Variants in HGSNAT observed in about 807,000 individuals in gnomAD.
The protein encoded by HGSNAT is heparan-alpha-glucosaminide N-acetyltransferase.
HGSNAT carries 59 observed loss-of-function variants against 85.2 expected under a neutral mutation model. The observed-to-expected ratio is 0.69, with a 90% CI of 0.56 to 0.86. The LOEUF is 0.86. Among genes scored for constraint, HGSNAT ranks in the 40% least tolerant of loss-of-function variants. The probability of loss-of-function intolerance (pLI) is 0.00; values close to 1 mark genes in which losing one functional copy is unlikely to be tolerated. For synonymous variants in HGSNAT, 321 were observed against 304.5 expected, an observed-to-expected ratio of 1.05 and a Z score of -0.56; for missense variants, 756 against 777.1, an observed-to-expected ratio of 0.97 and a Z score of 0.32.
intron 14 of HGSNAT, chr8:43,194,625 A>AT (rs1804648258): frequency 3.6e-6 from 2 of 559,046 alleles, no homozygotes; most frequent in Non-Finnish European, 4.5e-6. Context: ...TGGCAACTTG[A>AT]TTGGGGCATG....
At chr8:43,154,449 G>GT (rs1182623746) in intron 2 of HGSNAT, among the ~76,000 whole-genome samples, 2 of 151,338 alleles carry the variant, frequency 1.3e-5, no homozygotes, top group Non-Finnish European at 2.9e-5. Context: ...GCGGTGTTTG[G>GT]TTTTTTGTCC....
intron 15 of HGSNAT, 168 bp downstream of exon 15, chr8:43,197,193 A>G (rs1256687934): frequency 3.3e-6 from 2 of 613,574 alleles, no homozygotes; most frequent in African/African-American, 3.7e-5. Context: ...ACCTAAATGC[A>G]CAGATTTATT....
At position 43,187,998 on chromosome 8, in the gene HGSNAT, C is replaced by T. The variant is rs1213300114; in HGVS notation, c.1129-3476C>T. 2.0e-5 allele frequency among the ~76,000 whole-genome samples: 3 copies of T among 152,214 alleles called. No homozygotes were observed. In the East Asian group the frequency reaches 5.8e-4, roughly 29 times the overall value. ...CACTGTCTTGTGGCTTGTAGAGTTTCTGCTGAGAGATCTGCTGTTAGTCTG... is the reference window on the plus strand; with the variant it reads ...CACTGTCTTGTGGCTTGTAGAGTTTTTGCTGAGAGATCTGCTGTTAGTCTG... On this transcript the variant is annotated intron_variant, in intron 11 of 17. Transcript: ENST00000379644.
Position 43,202,481 on chromosome 8 carries a change from C to G in HGSNAT, c.*2912C>G, listed in dbSNP as rs1217217815. On this transcript the variant is annotated 3_prime_UTR_variant, in exon 18 of 18. Transcript: ENST00000379644. ...GAGCAGAGGAATGGTCAGGGGGCAA[C>G]AACCGCTGACAGCTGCAACAGGTGC... 1 of 152,182 alleles carries G rather than the reference C, an allele frequency of 6.6e-6. No homozygotes were observed. Among genetic ancestry groups the G allele is most frequent in the East Asian group, 1.9e-4 (1 of 5,188 alleles). The allele number at this position is 152,182 out of a possible 1,614,324, so 9.4% of individuals were successfully genotyped here.
chr8:43,171,457 T>A, intron 7 of HGSNAT, among the ~76,000 whole-genome samples: 1 of 152,220 alleles, frequency 6.6e-6, no homozygotes, highest in East Asian at 1.9e-4. Flanking sequence ...TCCTATGAGA[T>A]ATATACTTTT....
intron 2 of HGSNAT, among the ~76,000 whole-genome samples, chr8:43,155,485 A>T (rs1301683437): frequency 6.6e-6 from 1 of 151,870 alleles, no homozygotes; most frequent in Non-Finnish European, 1.5e-5. Context: ...GAGGTGTTTG[A>T]GTTCCTTATA....
chr8:43,192,191 G>C (rs562321792), intron 12 of HGSNAT, 113 bp from the exon 13 acceptor site: 1 of 1,211,482 alleles, frequency 8.3e-7, no homozygotes, highest in African/African-American at 1.5e-5. Context: ...GCCTCCCAAA[G>C]TGTTGGGATT....
chr8:43,186,848 T>C (rs1475143880), intron 11 of HGSNAT, among the ~76,000 whole-genome samples: 6 of 152,232 alleles, frequency 3.9e-5, no homozygotes, highest in African/African-American at 1.4e-4. Flanking sequence ...TGTGTCTTTG[T>C]TATCATTGAT....
intron 17 of HGSNAT, among the ~76,000 whole-genome samples, chr8:43,198,783 T>A (rs1317207877): frequency 6.6e-6 from 1 of 152,222 alleles, no homozygotes; most frequent in Non-Finnish European, 1.5e-5. Context: ...GAGGAATAGT[T>A]ACATTCTTTG....
Position 43,161,442 on chromosome 8 carries a change from G to A in HGSNAT, c.498G>A (p.Val166=), listed in dbSNP as rs1270001701. ...TGTTTTCTTCTCTTTTTCTAGCTGT[G>A]AGCATTGCATTCCTTATTGGTCTTG... The part of the protein sequence containing the change: ...NEDPVDSNLP[V]SIAFLIGLAV... The change falls in exon 5 of 18, where the codon GTG becomes GTA. Residue 166 remains valine, a synonymous_variant. Transcript: ENST00000379644. 1.2e-6 allele frequency: 2 copies of A among 1,612,494 alleles called. No homozygotes were observed. Among genetic ancestry groups the A allele is most frequent in the Non-Finnish European group, 1.7e-6 (2 of 1,179,136 alleles).
chr8:43,186,673 C>T (rs925171435), intron 11 of HGSNAT, among the ~76,000 whole-genome samples: 1 of 151,962 alleles, frequency 6.6e-6, no homozygotes. Context: ...TACTTCTTGC[C>T]TTCTGCTAGC....
chr8:43,188,100 T>G (rs1029004784), intron 11 of HGSNAT, among the ~76,000 whole-genome samples: 1 of 152,180 alleles, frequency 6.6e-6, no homozygotes, highest in Non-Finnish European at 1.5e-5. Context: ...TCAACTTTGG[T>G]GAATCTGACA....
At chr8:43,161,645 TA>T in intron 5 of HGSNAT, 138 bp downstream of exon 5, 1 of 567,722 alleles carries the variant, frequency 1.8e-6, no homozygotes, top group Middle Eastern at 2.7e-4. Flanking sequence ...CATCCAGTGC[TA>T]GGCTTCAGGG....
intron 2 of HGSNAT, among the ~76,000 whole-genome samples, chr8:43,157,902 C>CA (rs1319923161): frequency 6.6e-6 from 1 of 152,102 alleles, no homozygotes; most frequent in Non-Finnish European, 1.5e-5. Flanking sequence ...CCTAAATACT[C>CA]AAAGTATTTG....
intron 9 of HGSNAT, 104 bp from the exon 10 acceptor site, chr8:43,177,970 A>T: frequency 1.0e-6 from 1 of 971,430 alleles, no homozygotes. Context: ...GCTACTTTAA[A>T]CAAATTATGG....
intron 9 of HGSNAT, among the ~76,000 whole-genome samples, chr8:43,176,559 AT>A (rs200185424): frequency 6.6e-6 from 1 of 151,114 alleles, no homozygotes; most frequent in Non-Finnish European, 1.5e-5. Flanking sequence ...AAATTTCAGC[AT>A]TTTTTTTTCT....
intron 11 of HGSNAT, among the ~76,000 whole-genome samples, chr8:43,188,976 C>T (rs1433057765): frequency 6.6e-6 from 1 of 152,106 alleles, no homozygotes; most frequent in East Asian, 1.9e-4. Flanking sequence ...AATGTTGCTG[C>T]CTGATCCTTC....
intron 5 of HGSNAT, among the ~76,000 whole-genome samples, chr8:43,167,176 T>C (rs749021891): frequency 6.6e-6 from 1 of 152,208 alleles, no homozygotes; most frequent in Non-Finnish European, 1.5e-5. Context: ...ATTGCTGAGA[T>C]GACAACAAAG....
chr8:43,173,127 G>C (rs1428472851), intron 8 of HGSNAT, among the ~76,000 whole-genome samples: 1 of 152,076 alleles, frequency 6.6e-6, no homozygotes, highest in Non-Finnish European at 1.5e-5. Flanking sequence ...TGGGACTACA[G>C]GTGTGTGCCA....
Sources: gnomAD v4.1 joint callset for allele counts (sites outside exome capture counted in the v4.1 genomes callset) on GRCh38, gnomAD v4.1.1 for gene constraint, MANE v1.5 for transcripts, NCBI Gene and HGNC (gene_info 2026-07-23, HGNC 2026-07-21) for gene names.